PPM1L: variants seen among roughly 807,000 people sequenced by gnomAD.
The protein encoded by PPM1L is protein phosphatase, Mg2+/Mn2+ dependent 1L, also known as protein phosphatase 1L.
A neutral mutation model predicts 31.4 loss-of-function variants in PPM1L; 13 were observed. The ratio of observed to expected loss-of-function variants is 0.41; its 90% CI spans 0.27 to 0.66. The LOEUF (loss-of-function observed/expected upper bound fraction) is 0.66. PPM1L is among the 30% of genes least tolerant of loss of function. The pLI is 0.29. For missense variants in PPM1L, 326 were observed against 453.7 expected, an observed-to-expected ratio of 0.72 and a Z score of 2.56; for synonymous variants, 184 against 175.4, an observed-to-expected ratio of 1.05 and a Z score of -0.39.
chr3:160,887,835 C>T (rs1219656100), intron 1 of PPM1L, among the ~76,000 whole-genome samples: 1 of 152,000 alleles, frequency 6.6e-6, no homozygotes, highest in East Asian at 1.9e-4. Context: ...TGCCCGCCTC[C>T]TAAAGTGCTG....
At chr3:161,067,704 G>A (rs180678214) in intron 3 of PPM1L, among the ~76,000 whole-genome samples, 156 of 152,330 alleles carry the variant, frequency 1.0e-3, no homozygotes, top group African/African-American at 3.5e-3. Flanking sequence ...AGTGAATGGT[G>A]AGACCACAGC....
At chr3:161,050,898 C>CA (rs1719253162) in intron 2 of PPM1L, among the ~76,000 whole-genome samples, 1 of 152,160 alleles carries the variant, frequency 6.6e-6, no homozygotes, top group Non-Finnish European at 1.5e-5. Flanking sequence ...GGTCAAAGAG[C>CA]ATAAACAAGT....
intron 1 of PPM1L, among the ~76,000 whole-genome samples, chr3:160,830,351 T>G (rs549616559): frequency 2.6e-5 from 4 of 152,114 alleles, no homozygotes; most frequent in Non-Finnish European, 5.9e-5. Flanking sequence ...AGAAAAAGCA[T>G]GTATATAGTT....
intron 2 of PPM1L, among the ~76,000 whole-genome samples, chr3:161,051,403 C>CACACACACACAA (rs1491153188): frequency 1.8e-4 from 26 of 147,934 alleles, no homozygotes; most frequent in African/African-American, 5.7e-4. Context: ...CACACACACA[C>CACACACACACAA]AACCATCCTG....
At chr3:161,041,243 C>A (rs750862849) in intron 2 of PPM1L, among the ~76,000 whole-genome samples, 1 of 152,320 alleles carries the variant, frequency 6.6e-6, no homozygotes, top group African/African-American at 2.4e-5. Flanking sequence ...ATGCCTCCCC[C>A]CACTGGCCCC....
chr3:160,819,780 G>A (rs1431052660), intron 1 of PPM1L, among the ~76,000 whole-genome samples: 2 of 152,004 alleles, frequency 1.3e-5, no homozygotes, highest in Admixed American at 6.6e-5. Context: ...TGGGGGAAGG[G>A]AGAGTAGCCT....
chr3:160,845,456 C>T (rs1714048545), intron 1 of PPM1L, among the ~76,000 whole-genome samples: 1 of 151,914 alleles, frequency 6.6e-6, no homozygotes, highest in Admixed American at 6.6e-5. Context: ...TTTTCATCTT[C>T]TTGATGATAT....
At chr3:160,977,863 T>G (rs192831781) in intron 2 of PPM1L, among the ~76,000 whole-genome samples, 1 of 152,112 alleles carries the variant, frequency 6.6e-6, no homozygotes, top group Non-Finnish European at 1.5e-5. Flanking sequence ...ATAGATAAAA[T>G]AAAAGTTTTT....
At chr3:160,907,217 A>T (rs1713792527) in intron 1 of PPM1L, among the ~76,000 whole-genome samples, 1 of 152,228 alleles carries the variant, frequency 6.6e-6, no homozygotes, top group African/African-American at 2.4e-5. Flanking sequence ...CAAGTTTGAG[A>T]TAATATCTCA....
rs1720033030 is a variant in PPM1L, at chr3:161,074,295, T to G, written c.*5138T>G. 6.6e-6 allele frequency: 1 copy of G among 152,208 alleles called. No homozygotes were observed. The highest frequency in any genetic ancestry group is 2.1e-4 in the South Asian group (1 of 4,834). 9.4% of individuals were successfully genotyped at this position (152,208 alleles called of 1,614,324 possible). A position where few individuals can be genotyped will look rare whatever the true frequency, so the allele number is the denominator to read the frequency against. The stretch of plus-strand genomic sequence containing the variant: ...TAAGTTTGGCATGTTATCTCTTGCC[T>G]AAAATGTGAGGCCTTCCTGTAGTTC... On this transcript the variant is annotated 3_prime_UTR_variant, in exon 4 of 4. Transcript: ENST00000498165.
Position 161,067,850 on chromosome 3 carries a change from A to G in PPM1L, c.737-961A>G, listed in dbSNP as rs549984574. Among the ~76,000 whole-genome samples the G allele has an allele frequency of 9.2e-5, 14 of 152,314 alleles. No individual in the cohort carries two copies. In the South Asian group the frequency reaches 2.9e-3, roughly 32 times the overall value. ...TAATGTTCATTCTACCCTCATGATC[A>G]GAACTGGAAATCATCCCTCCCTTCT... On this transcript the variant is annotated intron_variant, in intron 3 of 3. Transcript: ENST00000498165.
At chr3:161,008,297 G>A (rs572743979) in intron 2 of PPM1L, among the ~76,000 whole-genome samples, 115 of 152,280 alleles carry the variant, frequency 7.6e-4, no homozygotes, top group Non-Finnish European at 1.2e-3. Context: ...TGCACAGAGC[G>A]GCCAAGAAAA....
intron 2 of PPM1L, among the ~76,000 whole-genome samples, chr3:160,982,804 C>T (rs1361105576): frequency 6.6e-6 from 1 of 152,072 alleles, no homozygotes; most frequent in Admixed American, 6.6e-5. Flanking sequence ...ATTCTCTGTT[C>T]CTAAAGAAAA....
chr3:160,962,577 C>T (rs1232860217), intron 2 of PPM1L, among the ~76,000 whole-genome samples: 1 of 150,212 alleles, frequency 6.7e-6, no homozygotes, highest in African/African-American at 2.4e-5. Context: ...ATTGCTATAC[C>T]TCTCCACCTC....
chr3:160,916,615 ACT>A lies in PPM1L; in HGVS notation c.400-45118_400-45117del, dbSNP rs1211983718. Among the ~76,000 whole-genome samples the A allele has an allele frequency of 3.9e-5, 6 of 151,998 alleles. No homozygotes were observed. In the South Asian group the frequency reaches 1.2e-3, roughly 32 times the overall value. On this transcript the variant is annotated intron_variant, in intron 1 of 3. Coordinates refer to ENST00000498165, the MANE Select transcript of PPM1L (RefSeq NM_139245.4). ...GCCTACATATCTCTTCTTCCAGTAC[ACT>A]CTGCAATCTACTTAAAAAAAATTTT...
At chr3:160,888,919 A>G (rs1045359881) in intron 1 of PPM1L, among the ~76,000 whole-genome samples, 3 of 152,180 alleles carry the variant, frequency 2.0e-5, no homozygotes, top group Non-Finnish European at 4.4e-5. Context: ...TTCTAAATGA[A>G]GAAGAAATAA....
intron 2 of PPM1L, among the ~76,000 whole-genome samples, chr3:160,993,291 A>C (rs1220614880): frequency 6.6e-6 from 1 of 152,162 alleles, no homozygotes; most frequent in Admixed American, 6.5e-5. Flanking sequence ...ATTCCAAGGC[A>C]TGTCAACAAC....
chr3:160,936,464 A>G (rs1714977089), intron 1 of PPM1L, among the ~76,000 whole-genome samples: 1 of 152,166 alleles, frequency 6.6e-6, no homozygotes, highest in African/African-American at 2.4e-5. Flanking sequence ...GTAGCAATCT[A>G]ATGTTGTGAA....
intron 1 of PPM1L, among the ~76,000 whole-genome samples, chr3:160,945,591 C>T (rs2108093137): frequency 6.6e-6 from 1 of 152,248 alleles, no homozygotes; most frequent in East Asian, 1.9e-4. Context: ...GTGACTTGTG[C>T]AGATGGTTGC....
Sources: allele counts gnomAD v4.1 joint callset (sites outside exome capture counted in the v4.1 genomes callset), GRCh38; gene constraint gnomAD v4.1.1; transcripts MANE v1.5; gene names NCBI Gene and HGNC (gene_info 2026-07-23, HGNC 2026-07-21).